ZNF442: variants seen among roughly 807,000 people sequenced by gnomAD.
The protein encoded by ZNF442 is zinc finger protein 442.
Under a neutral mutation model 57.0 loss-of-function variants are expected in ZNF442, and 45 were observed. The ratio of observed to expected loss-of-function variants is 0.79; its 90% CI spans 0.62 to 1.01. ZNF442 has a LOEUF of 1.01. ZNF442 is among the 50% of genes least tolerant of loss of function. ZNF442 has a pLI of 0.00. For missense variants in ZNF442, 690 were observed against 756.5 expected, an observed-to-expected ratio of 0.91 and a Z score of 1.03; for synonymous variants, 213 against 241.8, an observed-to-expected ratio of 0.88 and a Z score of 1.10.
rs1244947233 is a variant in ZNF442 at position 12,354,499 on chromosome 19, C to T, written c.79-1385G>A. Among the ~76,000 whole-genome samples the T allele has an allele frequency of 2.0e-5, 3 of 152,024 alleles. 1 individual carries two copies. In the South Asian group the frequency reaches 6.2e-4, roughly 31 times the overall value. On this transcript the variant is annotated intron_variant, in intron 3 of 5. Coordinates refer to ENST00000242804, the MANE Select transcript of ZNF442 (RefSeq NM_030824.3). Reference sequence around the variant, plus strand: ...ATATCCCCAAAACTAACAGAAGTCACAAATGTATAAAAATGCTAAAAACTT... The same window carrying T: ...ATATCCCCAAAACTAACAGAAGTCATAAATGTATAAAAATGCTAAAAACTT...
rs1969266249 is a variant in ZNF442, at chr19:12,352,868, C to A, written c.205+120G>T. 6.4e-6 allele frequency: 8 copies of A among 1,241,228 alleles called. No individual in the cohort carries two copies. In the Admixed American group the frequency reaches 1.7e-4, roughly 27 times the overall value. The allele number at this position is 1,241,228 out of a possible 1,614,324, so 76.9% of individuals were successfully genotyped here. A position where few individuals can be genotyped will look rare whatever the true frequency, so the allele number is the denominator to read the frequency against. ...TGGTTGGGGACCCAGCACCACTTAA[C>A]CCTGTGTTGTTGAAGGGTCAACTAT... On this transcript the variant is annotated intron_variant, in intron 4 of 5. Coordinates refer to ENST00000242804, the MANE Select transcript of ZNF442 (RefSeq NM_030824.3).
rs765347185 is a variant in ZNF442 at position 12,350,799 on chromosome 19, C to A, written c.786G>T (p.Glu262Asp). 1 of 1,613,932 alleles carries A rather than the reference C, an allele frequency of 6.2e-7. No homozygotes were observed. Among genetic ancestry groups the A allele is most frequent in the Non-Finnish European group, 8.5e-7 (1 of 1,179,980 alleles). ...AACAGTGCTTGCATTCATATGGTTT[C>A]TCCCCAGTGTGTGTTCTTTCATGTC... ...YLRHERTHTGEKPYECKHCSK... is the reference protein window; with the variant it reads ...YLRHERTHTGDKPYECKHCSK... Residue 262 changes from glutamate to aspartate, a missense_variant, in exon 6 of 6, where the codon GAG (glutamate) becomes GAT (aspartate). By Grantham distance (45) the Glu-to-Asp change is conservative. Transcript: ENST00000242804.
At chr19:12,369,076 G>T (rs1366670878), upstream of ZNF442, among the ~76,000 whole-genome samples, 1 of 151,974 alleles carries the variant, frequency 6.6e-6, no homozygotes, top group East Asian at 1.9e-4. Flanking sequence ...TCTTTCTCTA[G>T]TTTGTATGAG....
chr19:12,365,519 C>A lies in ZNF442; in HGVS notation c.-483+14G>T. On this transcript the variant is annotated intron_variant, in intron 1 of 5. Transcript: ENST00000242804. Reference sequence around the variant, plus strand: ...CTTCGCCCTGCCCCAGGACGCCGGGCCCCGCACACTCACCATTTCCCGGCT... The same window carrying A: ...CTTCGCCCTGCCCCAGGACGCCGGGACCCGCACACTCACCATTTCCCGGCT... 1.7e-6 allele frequency: 1 copy of A among 572,226 alleles called. No homozygotes were observed. The highest frequency in any genetic ancestry group is 2.7e-5 in the Admixed American group (1 of 37,202). The allele number at this position is 572,226 out of a possible 1,614,324, so 35.4% of individuals were successfully genotyped here.
At chr19:12,359,980 GA>G (rs112367863) in intron 3 of ZNF442, among the ~76,000 whole-genome samples, 74 of 146,314 alleles carry the variant, frequency 5.1e-4, no homozygotes, top group East Asian at 4.4e-3. Flanking sequence ...AGACTCTCAA[GA>G]AAAAAAAAAA....
the ZNF442 span, among the ~76,000 whole-genome samples, chr19:12,372,895 T>A: frequency 3.3e-5 from 5 of 152,174 alleles, no homozygotes; most frequent in African/African-American, 1.2e-4. Flanking sequence ...TGCCTCAGCC[T>A]CCTGAGTAGA....
chr19:12,366,320 C>T (rs1303188528), upstream of ZNF442, among the ~76,000 whole-genome samples: 2 of 152,172 alleles, frequency 1.3e-5, no homozygotes, highest in Non-Finnish European at 2.9e-5. Context: ...ATTTCAGCCA[C>T]AGTTCAGCAG....
Position 12,351,439 on chromosome 19 carries a change from G to A in ZNF442, c.267-121C>T, listed in dbSNP as rs559114202. 78 of 839,620 alleles carry A rather than the reference G, an allele frequency of 9.3e-5. 1 individual carries two copies. The South Asian group carries it at 1.3e-3, about 14-fold the overall frequency. 52.0% of individuals were successfully genotyped at this position (839,620 alleles called of 1,614,324 possible). A position where few individuals can be genotyped will look rare whatever the true frequency, so the allele number is the denominator to read the frequency against. Reference sequence around the variant, plus strand: ...AACGTGTAGGCTTCATGCACTGCTTGAACGTGAATGGACTGAATGTTGTAC... The same window carrying A: ...AACGTGTAGGCTTCATGCACTGCTTAAACGTGAATGGACTGAATGTTGTAC... On this transcript the variant is annotated intron_variant, in intron 5 of 5. Coordinates refer to ENST00000242804, the MANE Select transcript of ZNF442 (RefSeq NM_030824.3).
rs894284727 is a variant in ZNF442 at position 12,347,697 on chromosome 19, T to A, written c.*2004A>T. 2.0e-5 allele frequency: 3 copies of A among 152,228 alleles called. No individual in the cohort carries two copies. In the South Asian group the frequency reaches 6.2e-4, roughly 32 times the overall value. 9.4% of individuals were successfully genotyped at this position (152,228 alleles called of 1,614,324 possible). A position where few individuals can be genotyped will look rare whatever the true frequency, so the allele number is the denominator to read the frequency against. On this transcript the variant is annotated 3_prime_UTR_variant, in exon 6 of 6. Transcript: ENST00000242804. ...CTTCCCCAACCCCTCCCTAACAGAA[T>A]TTTGTTTCAAAGCACACTTCTCCAC...
At chr19:12,358,604 TTAAC>T (rs1352585305) in intron 3 of ZNF442, among the ~76,000 whole-genome samples, 1 of 152,150 alleles carries the variant, frequency 6.6e-6, no homozygotes, top group Non-Finnish European at 1.5e-5. Context: ...AATGGTAACA[TTAAC>T]TAACTGAAAA....
rs887616749 is a variant in ZNF442, at chr19:12,350,137, G to A, written c.1448C>T (p.Thr483Ile). 8.7e-6 allele frequency: 14 copies of A among 1,614,058 alleles called. No individual in the cohort carries two copies. The highest frequency in any genetic ancestry group is 1.2e-5 in the Non-Finnish European group (14 of 1,179,990). ...YSFQNHETTH[T>I]GEKPYECKEC... ...CTTACACTCATATGGCTTCTCTCCA[G>A]TGTGAGTTGTTTCATGATTTTGAAA... The change falls in exon 6 of 6, where the codon ACT (threonine) becomes ATT (isoleucine). Residue 483 changes from threonine (T) to isoleucine (I), a missense_variant. Thr to Ile is a moderately conservative substitution (Grantham distance 89, BLOSUM62 -1). Coordinates refer to ENST00000242804, the MANE Select transcript of ZNF442 (RefSeq NM_030824.3).
At chr19:12,355,183 C>T (rs910043548) in intron 3 of ZNF442, among the ~76,000 whole-genome samples, 9 of 148,220 alleles carry the variant, frequency 6.1e-5, no homozygotes, top group Admixed American at 2.7e-4. Flanking sequence ...CCCAGCTACT[C>T]GGGAGGCTGA....
At chr19:12,369,340 C>T (rs1379013479), upstream of ZNF442, among the ~76,000 whole-genome samples, 1 of 152,210 alleles carries the variant, frequency 6.6e-6, no homozygotes, top group Non-Finnish European at 1.5e-5. Context: ...AAAGGCCAGC[C>T]GGGTGCAGTG....
chr19:12,360,167 G>A (rs555521906), intron 3 of ZNF442, among the ~76,000 whole-genome samples: 1 of 152,156 alleles, frequency 6.6e-6, no homozygotes, highest in South Asian at 2.1e-4. Context: ...GCGCCCAGCT[G>A]GGATGCCTCA....
At chr19:12,367,560 C>T (rs927218311), upstream of ZNF442, among the ~76,000 whole-genome samples, 7 of 152,090 alleles carry the variant, frequency 4.6e-5, no homozygotes, top group East Asian at 1.9e-4. Context: ...GAGACCAGGG[C>T]GTATTTCAGT....
rs1969175042 is a variant in ZNF442 at position 12,349,353 on chromosome 19, A to G, written c.*348T>C. 5.4e-6 allele frequency: 1 copy of G among 184,804 alleles called. No individual in the cohort carries two copies. The highest frequency in any genetic ancestry group is 2.4e-5 in the African/African-American group (1 of 42,412). 11.4% of individuals were successfully genotyped at this position (184,804 alleles called of 1,614,324 possible). On this transcript the variant is annotated 3_prime_UTR_variant, in exon 6 of 6. Transcript: ENST00000242804. ...AAAATACAATAAAATGACTGTTTAC[A>G]TAGCTTTTACAACACATGAGGTATT...
chr19:12,350,251 GA>G lies in ZNF442; in HGVS notation c.1333del (p.Ser445LeufsTer87). ...TGTTTCATGTCTTCGAAGGGAACTA[GA>G]AATACGGAAGGCTTTACCACATTCT... ...CKECGKAFRISSSLRRHETTH... is the reference protein window; with the variant it reads ...CKECGKAFRIXSSLRRHETTH... On this transcript the variant is annotated frameshift_variant, in exon 6 of 6. Transcript: ENST00000242804. LOFTEE classifies it high-confidence loss of function. 6.2e-7 allele frequency: 1 copy of G among 1,613,640 alleles called. No individual in the cohort carries two copies.
Position 12,352,982 on chromosome 19 carries a change from T to C in ZNF442, c.205+6A>G, listed in dbSNP as rs1451741986. 2 of 1,595,210 alleles carry C rather than the reference T, an allele frequency of 1.3e-6. No homozygotes were observed. Among genetic ancestry groups the C allele is most frequent in the African/African-American group, 1.4e-5 (1 of 73,636 alleles). On this transcript the variant is annotated splice_donor_region_variant and intron_variant, in intron 4 of 5. Transcript: ENST00000242804. Reference sequence around the variant, plus strand: ...TGACTAAGTGAAGACATAATGTCATTTTTACCTATACAGTCCAGGTTCCTA... The same window carrying C: ...TGACTAAGTGAAGACATAATGTCATCTTTACCTATACAGTCCAGGTTCCTA...
chr19:12,363,484 G>A, intron 3 of ZNF442, 70 bp downstream of exon 3: 1 of 1,473,818 alleles, frequency 6.8e-7, no homozygotes, highest in Non-Finnish European at 9.5e-7. Flanking sequence ...GTGCTTTTCA[G>A]GCTCATGCAC....
Sources: allele counts gnomAD v4.1 joint callset (sites outside exome capture counted in the v4.1 genomes callset), GRCh38; gene constraint gnomAD v4.1.1; transcripts MANE v1.5; gene names NCBI Gene and HGNC (gene_info 2026-07-23, HGNC 2026-07-21).